NRXN3: variants seen among roughly 807,000 people sequenced by gnomAD.
NRXN3 encodes the protein neurexin III.
A neutral mutation model predicts 137.6 loss-of-function variants in NRXN3; 32 were observed. The observed-to-expected ratio is 0.23, with a 90% CI of 0.18 to 0.31. The LOEUF (loss-of-function observed/expected upper bound fraction) is 0.31, where lower values mean the gene tolerates loss of function less well. Ranked by LOEUF, NRXN3 falls within the 10% of genes least tolerant of loss-of-function variation. The pLI is 1.00. For synonymous variants in NRXN3, 798 were observed against 784.5 expected (o/e 1.02, Z -0.29); for missense variants, 1,574 against 2,062.5 (o/e 0.76, Z 4.59).
intron 16 of NRXN3, among the ~76,000 whole-genome samples, chr14:79,549,258 C>A (rs1348785005): frequency 6.6e-6 from 1 of 152,066 alleles, no homozygotes; most frequent in Non-Finnish European, 1.5e-5. Context: ...CTGGGAGATT[C>A]CAAAGAGAGA....
At chr14:78,761,795 C>T (rs570142772) in intron 8 of NRXN3, among the ~76,000 whole-genome samples, 66 of 152,218 alleles carry the variant, frequency 4.3e-4, no homozygotes, top group African/African-American at 1.3e-3. Flanking sequence ...AATATCTGTA[C>T]GTAAACATAT....
chr14:79,017,327 C>T (rs1020775378), intron 15 of NRXN3, among the ~76,000 whole-genome samples: 7 of 151,674 alleles, frequency 4.6e-5, no homozygotes, highest in Admixed American at 2.0e-4. Flanking sequence ...CCACAAAATA[C>T]GTAATAGCTC....
intron 15 of NRXN3, among the ~76,000 whole-genome samples, chr14:79,265,097 T>C (rs1444224558): frequency 6.6e-6 from 1 of 152,132 alleles, no homozygotes; most frequent in Non-Finnish European, 1.5e-5. Context: ...GAAAAAATTT[T>C]AATAACCTAT....
At chr14:78,225,987 GTGTGT>G (rs2064586420) in intron 1 of NRXN3, among the ~76,000 whole-genome samples, 6 of 142,442 alleles carry the variant, frequency 4.2e-5, no homozygotes, top group Admixed American at 2.0e-4. Context: ...GTGTGTGTGT[GTGTGT>G]GTGTGTGTGT....
chr14:78,847,451 G>A (rs1288257564), intron 10 of NRXN3, among the ~76,000 whole-genome samples: 2 of 152,056 alleles, frequency 1.3e-5, no homozygotes, highest in African/African-American at 4.8e-5. Context: ...AAAGCACTTT[G>A]TCATTTCTCG....
At chr14:78,431,733 T>A (rs925578149) in intron 4 of NRXN3, among the ~76,000 whole-genome samples, 1 of 152,154 alleles carries the variant, frequency 6.6e-6, no homozygotes. Flanking sequence ...TTCCTCAGTT[T>A]TACAGATTAT....
chr14:78,380,890 T>C (rs1385063347), intron 4 of NRXN3, among the ~76,000 whole-genome samples: 1 of 151,634 alleles, frequency 6.6e-6, no homozygotes, highest in Non-Finnish European at 1.5e-5. Flanking sequence ...ATGGGAGAAA[T>C]GAGACTACTC....
chr14:79,647,454 G>A lies in NRXN3; in HGVS notation c.3445-16324G>A, dbSNP rs1039557065. Among the ~76,000 whole-genome samples the A allele has an allele frequency of 3.7e-5, 5 of 135,246 alleles. 2 individuals carry two copies. Among genetic ancestry groups the A allele is most frequent in the Admixed American group, 1.6e-4 (2 of 12,800 alleles). The allele number at this position is 135,246 out of a possible 152,430, so 88.7% of individuals were successfully genotyped here. On this transcript the variant is annotated intron_variant, in intron 16 of 20. Coordinates refer to ENST00000335750, the MANE Select transcript of NRXN3 (RefSeq NM_001330195.2). ...GCATTTTATTATCATTATCTTTTCC[G>A]GCATTGATTAATCCTACTGTTTATT... is the stretch of plus-strand genomic sequence containing the variant.
At chr14:79,178,775 AT>A (rs1209679833) in intron 15 of NRXN3, among the ~76,000 whole-genome samples, 1 of 152,206 alleles carries the variant, frequency 6.6e-6, no homozygotes, top group Non-Finnish European at 1.5e-5. Flanking sequence ...CAAAACATAC[AT>A]ATTTTGACTT....
intron 15 of NRXN3, among the ~76,000 whole-genome samples, chr14:79,186,224 C>A (rs1200331359): frequency 6.7e-6 from 1 of 149,580 alleles, no homozygotes; most frequent in African/African-American, 2.4e-5. Context: ...TGCATCCAAA[C>A]AAATCGTGAC....
At chr14:78,378,334 A>T (rs1040138047) in intron 4 of NRXN3, among the ~76,000 whole-genome samples, 1 of 152,094 alleles carries the variant, frequency 6.6e-6, no homozygotes, top group Non-Finnish European at 1.5e-5. Flanking sequence ...AAAATACAAA[A>T]ATTAGCCAGG....
intron 4 of NRXN3, among the ~76,000 whole-genome samples, chr14:78,504,885 C>G (rs1346097825): frequency 6.6e-6 from 1 of 152,132 alleles, no homozygotes; most frequent in Non-Finnish European, 1.5e-5. Flanking sequence ...GCCCGACTTA[C>G]TAGGCCATTC....
At chr14:79,409,128 G>T (rs879321952) in intron 15 of NRXN3, among the ~76,000 whole-genome samples, 3 of 152,020 alleles carry the variant, frequency 2.0e-5, no homozygotes, top group Non-Finnish European at 2.9e-5. Context: ...TGAGTAAACT[G>T]CAATCTTTGC....
chr14:79,664,530 A>G (rs991233897), intron 17 of NRXN3, among the ~76,000 whole-genome samples: 20 of 152,134 alleles, frequency 1.3e-4, no homozygotes, highest in African/African-American at 4.8e-4. Flanking sequence ...TGGTCCTAGT[A>G]GTCATTTTAA....
At chr14:78,953,149 T>C (rs903302512) in intron 10 of NRXN3, among the ~76,000 whole-genome samples, 3 of 152,232 alleles carry the variant, frequency 2.0e-5, no homozygotes, top group African/African-American at 7.2e-5. Context: ...AAAGTTCACC[T>C]TATGAAGGTG....
intron 2 of NRXN3, among the ~76,000 whole-genome samples, chr14:78,258,120 C>A (rs2069979065): frequency 6.6e-6 from 1 of 152,112 alleles, no homozygotes; most frequent in African/African-American, 2.4e-5. Context: ...ATAGTGTGTA[C>A]CATTTAGGAC....
chr14:79,558,549 T>TTC (rs1310848588), intron 16 of NRXN3, among the ~76,000 whole-genome samples: 1 of 151,988 alleles, frequency 6.6e-6, no homozygotes, highest in Non-Finnish European at 1.5e-5. Flanking sequence ...GGATGTTCTT[T>TTC]TCTCTCTCTC....
intron 15 of NRXN3, among the ~76,000 whole-genome samples, chr14:79,345,646 C>T (rs1292023599): frequency 6.6e-6 from 1 of 152,102 alleles, no homozygotes; most frequent in Non-Finnish European, 1.5e-5. Flanking sequence ...GTTTAGCACC[C>T]TCCCTTTGGT....
At chr14:79,094,979 A>AGAGAGTGTGTGTGTGTGTGTGTGT (rs553957969) in intron 15 of NRXN3, among the ~76,000 whole-genome samples, 1 of 115,880 alleles carries the variant, frequency 8.6e-6, no homozygotes, top group African/African-American at 3.2e-5. Context: ...AGAGAGAGAG[A>AGAGAGTGTGTGTGTGTGTGTGTGT]GTGTGTGTGT....
Sources: gnomAD v4.1 joint callset for allele counts (sites outside exome capture counted in the v4.1 genomes callset) on GRCh38, gnomAD v4.1.1 for gene constraint, MANE v1.5 for transcripts, NCBI Gene and HGNC (gene_info 2026-07-23, HGNC 2026-07-21) for gene names.